DLG2: variants seen among roughly 807,000 people sequenced by gnomAD.
DLG2 encodes discs large MAGUK scaffold protein 2.
DLG2 carries 45 observed loss-of-function variants against 132.5 expected under a neutral mutation model. The ratio of observed to expected loss-of-function variants is 0.34; its 90% confidence interval spans 0.27 to 0.44. DLG2 has a LOEUF of 0.44. Among genes scored for constraint, DLG2 ranks in the 20% least tolerant of loss-of-function variants. DLG2 has a pLI of 1.00. For missense variants in DLG2, 1,045 were observed against 1,196.9 expected, an observed-to-expected ratio of 0.87 and a Z score of 1.87; for synonymous variants, 424 against 419.6, an observed-to-expected ratio of 1.01 and a Z score of -0.13.
chr11:84,337,752 C>T (rs1181216537), intron 7 of DLG2, among the ~76,000 whole-genome samples: 2 of 152,118 alleles, frequency 1.3e-5, no homozygotes, highest in African/African-American at 4.8e-5. Flanking sequence ...GGGGCAATTA[C>T]CCTGTTCACT....
chr11:85,166,316 C>T (rs573251611), intron 4 of DLG2, among the ~76,000 whole-genome samples: 9 of 152,244 alleles, frequency 5.9e-5, no homozygotes, highest in African/African-American at 1.4e-4. Context: ...TTTAGGAAGA[C>T]ATTCTTCCCA....
At chr11:85,345,788 G>T (rs1484090248) in intron 3 of DLG2, among the ~76,000 whole-genome samples, 1 of 151,976 alleles carries the variant, frequency 6.6e-6, no homozygotes, top group Non-Finnish European at 1.5e-5. Context: ...ATTGAGAATT[G>T]TTACCCCAAA....
intron 6 of DLG2, among the ~76,000 whole-genome samples, chr11:85,064,378 C>T (rs1202751643): frequency 1.3e-5 from 2 of 151,762 alleles, no homozygotes; most frequent in Non-Finnish European, 2.9e-5. Context: ...TCATATTGCA[C>T]ATCAGACCTA....
intron 4 of DLG2, among the ~76,000 whole-genome samples, chr11:85,206,855 CT>C (rs200634111): frequency 2.6e-5 from 4 of 151,316 alleles, no homozygotes; most frequent in African/African-American, 9.7e-5. Context: ...AAGCGCATAT[CT>C]TTTTTTTTAA....
intron 6 of DLG2, among the ~76,000 whole-genome samples, chr11:84,548,610 C>G (rs543448389): frequency 3.3e-5 from 5 of 152,280 alleles, no homozygotes; most frequent in African/African-American, 1.2e-4. Flanking sequence ...AGGACATGAA[C>G]TCAACATTTT....
chr11:84,856,213 A>G (rs1269134468), intron 6 of DLG2, among the ~76,000 whole-genome samples: 2 of 152,116 alleles, frequency 1.3e-5, no homozygotes, highest in East Asian at 1.9e-4. Context: ...AGTCTTTTCA[A>G]TATTTAAAGG....
chr11:84,032,681 A>T (rs2095737120), intron 11 of DLG2, among the ~76,000 whole-genome samples: 1 of 152,210 alleles, frequency 6.6e-6, no homozygotes, highest in Non-Finnish European at 1.5e-5. Flanking sequence ...TAGACAAAAC[A>T]GCCTTGTATT....
chr11:84,720,422 G>C, intron 6 of DLG2: 1 of 985,444 alleles, frequency 1.0e-6, no homozygotes, highest in Non-Finnish European at 1.2e-6. Flanking sequence ...GGCAGTGGCA[G>C]CTCGCTGGGG....
At chr11:85,070,700 C>A (rs1182166792) in intron 6 of DLG2, among the ~76,000 whole-genome samples, 1 of 151,816 alleles carries the variant, frequency 6.6e-6, no homozygotes, top group Non-Finnish European at 1.5e-5. Context: ...CTACACTCTA[C>A]TGTGCTATAT....
chr11:83,821,240 G>A (rs777789537), intron 17 of DLG2, among the ~76,000 whole-genome samples: 1 of 152,174 alleles, frequency 6.6e-6, no homozygotes, highest in African/African-American at 2.4e-5. Context: ...TTGGGAATTT[G>A]AAAGAGAGAA....
At chr11:83,831,547 A>AGT (rs1474028109) in intron 17 of DLG2, among the ~76,000 whole-genome samples, 1 of 152,092 alleles carries the variant, frequency 6.6e-6, no homozygotes, top group Non-Finnish European at 1.5e-5. Flanking sequence ...AGAGAGAGAG[A>AGT]GAGAGAGAAA....
chr11:85,171,815 T>A (rs1343685930), intron 4 of DLG2, among the ~76,000 whole-genome samples: 1 of 151,886 alleles, frequency 6.6e-6, no homozygotes, highest in Non-Finnish European at 1.5e-5. Flanking sequence ...CTGGAAGGAG[T>A]TCCCCACAAT....
intron 5 of DLG2, among the ~76,000 whole-genome samples, chr11:85,126,263 A>G (rs1299411040): frequency 2.0e-5 from 3 of 152,212 alleles, no homozygotes; most frequent in Admixed American, 1.3e-4. Context: ...ATGAAAGAAG[A>G]TAAGACATGA....
chr11:84,643,596 G>A (rs544898606), intron 6 of DLG2, among the ~76,000 whole-genome samples: 19 of 152,174 alleles, frequency 1.2e-4, no homozygotes, highest in Admixed American at 1.2e-3. Context: ...TTAAAATAGG[G>A]GAATCTTATC....
intron 6 of DLG2, among the ~76,000 whole-genome samples, chr11:84,574,728 G>A (rs1000497690): frequency 5.9e-5 from 9 of 152,182 alleles, no homozygotes; most frequent in South Asian, 2.1e-4. Flanking sequence ...CATCATCTCC[G>A]TGTGCTCTTG....
intron 3 of DLG2, among the ~76,000 whole-genome samples, chr11:85,551,863 G>C (rs1461424729): frequency 6.6e-6 from 1 of 151,694 alleles, no homozygotes; most frequent in East Asian, 1.9e-4. Context: ...AAACTAAAAA[G>C]AAAAAAGTAG....
chr11:83,578,704 C>A (rs1039239083), intron 19 of DLG2, among the ~76,000 whole-genome samples: 2 of 151,992 alleles, frequency 1.3e-5, no homozygotes, highest in Non-Finnish European at 2.9e-5. Context: ...ATATAAAAAG[C>A]CTAAATCTTT....
intron 17 of DLG2, among the ~76,000 whole-genome samples, chr11:83,800,950 C>T (rs1007472374): frequency 3.9e-5 from 6 of 152,170 alleles, no homozygotes; most frequent in Non-Finnish European, 8.8e-5. Flanking sequence ...ACATTAACTC[C>T]AGACTTGAAA....
chr11:85,168,021 A>G (rs1028623632), intron 4 of DLG2, among the ~76,000 whole-genome samples: 1 of 152,164 alleles, frequency 6.6e-6, no homozygotes, highest in Non-Finnish European at 1.5e-5. Flanking sequence ...AACTGGGCAC[A>G]GACAAATAAA....
Sources: allele counts gnomAD v4.1 joint callset (sites outside exome capture counted in the v4.1 genomes callset), GRCh38; gene constraint gnomAD v4.1.1; transcripts MANE v1.5; gene names NCBI Gene and HGNC (gene_info 2026-07-23, HGNC 2026-07-21).